KIF15: variants seen among roughly 807,000 people sequenced by gnomAD.
KIF15 encodes kinesin family member 15.
A neutral mutation model predicts 190.6 loss-of-function variants in KIF15; 140 were observed. The observed-to-expected ratio is 0.73, with a 90% CI of 0.64 to 0.84. KIF15 has a LOEUF of 0.84. Ranked by LOEUF, KIF15 falls within the 40% of genes least tolerant of loss-of-function variation. KIF15 has a pLI of 0.00. For missense variants in KIF15, 1,372 were observed against 1,584.4 expected (o/e 0.87, Z 2.28); for synonymous variants, 528 against 551.3 (o/e 0.96, Z 0.59).
Position 44,812,243 on chromosome 3 carries a change from A to G in KIF15, c.2231A>G (p.Gln744Arg). ...DEEEHKNLKLQQHVDKLEHHS... is the reference protein window; with the variant it reads ...DEEEHKNLKLRQHVDKLEHHS... The stretch of plus-strand genomic sequence containing the variant: ...GAAGAGCATAAAAACCTAAAGCTTC[A>G]GCAGCATGTTGACAAACTGGAACAT... Residue 744 changes from glutamine (Q) to arginine (R), a missense_variant, in exon 18 of 35, where the codon CAG (glutamine) becomes CGG (arginine). Transcript: ENST00000326047. 6.2e-7 allele frequency: 1 copy of G among 1,614,186 alleles called. No homozygotes were observed. Among genetic ancestry groups the G allele is most frequent in the Non-Finnish European group, 8.5e-7 (1 of 1,180,024 alleles).
chr3:44,812,361 AG>A, intron 18 of KIF15, 72 bp downstream of exon 18: 1 of 1,070,018 alleles, frequency 9.3e-7, no homozygotes, highest in Non-Finnish European at 1.4e-6. Context: ...AACATCCTCA[AG>A]GATCCTCAAA....
chr3:44,815,765 T>A (rs1708006533), intron 20 of KIF15, among the ~76,000 whole-genome samples: 1 of 152,358 alleles, frequency 6.6e-6, no homozygotes, highest in African/African-American at 2.4e-5. Context: ...ATTTCAACCT[T>A]TTGTATAACA....
intron 6 of KIF15, among the ~76,000 whole-genome samples, chr3:44,866,310 G>GA (rs1277971637): frequency 6.6e-6 from 1 of 152,072 alleles, no homozygotes; most frequent in Non-Finnish European, 1.5e-5. Flanking sequence ...CTGACCTCGT[G>GA]ATCTGCCCGC....
intron 20 of KIF15, among the ~76,000 whole-genome samples, chr3:44,817,157 T>C (rs1245705323): frequency 2.0e-5 from 3 of 152,140 alleles, no homozygotes; most frequent in Non-Finnish European, 4.4e-5. Flanking sequence ...GTCAGATGGG[T>C]AGATTGCAAA....
chr3:44,777,066 C>T (rs1705925180), intron 3 of KIF15, among the ~76,000 whole-genome samples: 1 of 148,938 alleles, frequency 6.7e-6, no homozygotes, highest in African/African-American at 2.5e-5. Context: ...AATAATCCTC[C>T]TGCTTAGCCT....
chr3:44,770,176 A>G (rs1321363248), intron 1 of KIF15, among the ~76,000 whole-genome samples: 1 of 152,244 alleles, frequency 6.6e-6, no homozygotes, highest in Non-Finnish European at 1.5e-5. Flanking sequence ...GTTTTTAAAC[A>G]TAATTTATCT....
intron 1 of KIF15, among the ~76,000 whole-genome samples, chr3:44,767,168 A>C (rs1705431856): frequency 6.6e-6 from 1 of 152,166 alleles, no homozygotes; most frequent in Admixed American, 6.5e-5. Flanking sequence ...GGAATTCCTC[A>C]TAATGTCATG....
rs780763632 is a variant in KIF15, at chr3:44,849,241, T to C, written c.3806+683T>C. Among the ~76,000 whole-genome samples, 266 of 152,234 alleles carry C rather than the reference T, an allele frequency of 1.7e-3. 4 individuals are homozygous for C. The highest frequency in any genetic ancestry group is 2.8e-3 in the Admixed American group (43 of 15,284). On this transcript the variant is annotated intron_variant, in intron 32 of 34. Transcript: ENST00000326047. ...TATACCCTCTTGCATATTTTTGAAGTTGACTTTATATCTAAAATTTTTCAT... is the reference window on the plus strand; with the variant it reads ...TATACCCTCTTGCATATTTTTGAAGCTGACTTTATATCTAAAATTTTTCAT...
chr3:44,831,531 G>C (rs774789424), intron 26 of KIF15, among the ~76,000 whole-genome samples: 1 of 152,134 alleles, frequency 6.6e-6, no homozygotes, highest in African/African-American at 2.4e-5. Context: ...GCAGAAAAGG[G>C]CTGTTTAAAC....
At position 44,820,969 on chromosome 3, in the gene KIF15, C is replaced by A. The variant is rs543373673; in HGVS notation, c.2550-5070C>A. ...TCACCTCCCGGACGGGGTGGCTGGCCGGGCAGGGGGCTGACCCCCCCACCT... is the reference window on the plus strand; with the variant it reads ...TCACCTCCCGGACGGGGTGGCTGGCAGGGCAGGGGGCTGACCCCCCCACCT... On this transcript the variant is annotated intron_variant, in intron 20 of 34. Transcript: ENST00000326047. Among the ~76,000 whole-genome samples the A allele has an allele frequency of 2.0e-5, 3 of 150,036 alleles. No individual in the cohort carries two copies. The East Asian group carries it at 6.1e-4, about 31-fold the overall frequency.
At chr3:44,859,195 G>T (rs1204556432) in intron 6 of KIF15, among the ~76,000 whole-genome samples, 1 of 152,252 alleles carries the variant, frequency 6.6e-6, no homozygotes, top group Non-Finnish European at 1.5e-5. Context: ...CTGCGGTTCA[G>T]ACGTTTTGAA....
chr3:44,846,482 G>T (rs771183837), intron 30 of KIF15, among the ~76,000 whole-genome samples: 14 of 151,922 alleles, frequency 9.2e-5, no homozygotes, highest in Non-Finnish European at 1.8e-4. Flanking sequence ...TCTTTTAAAA[G>T]ATGTTTTTCA....
At chr3:44,776,044 C>T (rs914253616) in intron 3 of KIF15, among the ~76,000 whole-genome samples, 93 of 149,646 alleles carry the variant, frequency 6.2e-4, no homozygotes, top group African/African-American at 2.1e-3. Flanking sequence ...CGCACCACTG[C>T]ACTCCAGACT....
At chr3:44,820,483 C>G (rs534828239) in intron 20 of KIF15, among the ~76,000 whole-genome samples, 250 of 151,982 alleles carry the variant, frequency 1.6e-3, no homozygotes, top group African/African-American at 5.2e-3. Flanking sequence ...TTTTCCTAGG[C>G]GGAGGACCCT....
intron 30 of KIF15, among the ~76,000 whole-genome samples, chr3:44,847,453 C>T (rs1441769901): frequency 2.0e-5 from 3 of 152,104 alleles, no homozygotes; most frequent in Non-Finnish European, 4.4e-5. Context: ...ATATCTGGTG[C>T]TTGGGACATC....
chr3:44,823,698 C>T (rs1697484751), intron 20 of KIF15, among the ~76,000 whole-genome samples: 1 of 152,242 alleles, frequency 6.6e-6, no homozygotes, highest in African/African-American at 2.4e-5. Flanking sequence ...GCTTTGTTTA[C>T]CTACTCAAGC....
chr3:44,779,660 C>T, intron 4 of KIF15, among the ~76,000 whole-genome samples: 1 of 151,926 alleles, frequency 6.6e-6, no homozygotes, highest in Non-Finnish European at 1.5e-5. Context: ...TGGTGAAACC[C>T]CATCTCTACT....
intron 24 of KIF15, among the ~76,000 whole-genome samples, chr3:44,828,898 G>T (rs1697820656): frequency 6.6e-6 from 1 of 152,006 alleles, no homozygotes; most frequent in South Asian, 2.1e-4. Context: ...TTAGCCAGGT[G>T]TGGTGGCACA....
chr3:44,845,798 C>T (rs1199120464), intron 30 of KIF15, among the ~76,000 whole-genome samples: 1 of 152,210 alleles, frequency 6.6e-6, no homozygotes, highest in African/African-American at 2.4e-5. Context: ...TTCAGGCCTG[C>T]AGTATTTCAG....
Sources: gnomAD v4.1 joint callset for allele counts (sites outside exome capture counted in the v4.1 genomes callset) on GRCh38, gnomAD v4.1.1 for gene constraint, MANE v1.5 for transcripts, NCBI Gene and HGNC (gene_info 2026-07-23, HGNC 2026-07-21) for gene names.